NRXN3: variants seen among roughly 807,000 people sequenced by gnomAD.
NRXN3 encodes the protein neurexin 3.
Under a neutral mutation model 137.6 loss-of-function variants are expected in NRXN3, and 32 were observed. The ratio of observed to expected loss-of-function variants is 0.23; its 90% CI spans 0.18 to 0.31. NRXN3 has a LOEUF of 0.31. Among genes scored for constraint, NRXN3 ranks in the 10% least tolerant of loss-of-function variants. The pLI is 1.00. For synonymous variants in NRXN3, 798 were observed against 784.5 expected (o/e 1.02, Z -0.29); for missense variants, 1,574 against 2,062.5 (o/e 0.76, Z 4.59).
chr14:78,320,841 G>T (rs2079250351), intron 4 of NRXN3, among the ~76,000 whole-genome samples: 1 of 151,792 alleles, frequency 6.6e-6, no homozygotes, highest in East Asian at 2.0e-4. Context: ...GCCCTGGCTG[G>T]GTGCGGTGGC....
At chr14:78,726,263 C>T (rs1009554628) in intron 8 of NRXN3, among the ~76,000 whole-genome samples, 1 of 152,024 alleles carries the variant, frequency 6.6e-6, no homozygotes, top group Non-Finnish European at 1.5e-5. Context: ...CATAGGTATA[C>T]ATGTGCCATG....
chr14:78,332,210 C>T (rs967001367), intron 4 of NRXN3, among the ~76,000 whole-genome samples: 5 of 152,166 alleles, frequency 3.3e-5, no homozygotes, highest in East Asian at 1.9e-4. Context: ...GGCAAACCCT[C>T]GATAAATATC....
chr14:78,708,974 C>G (rs1256802476), intron 6 of NRXN3, among the ~76,000 whole-genome samples: 1 of 152,168 alleles, frequency 6.6e-6, no homozygotes, highest in African/African-American at 2.4e-5. Context: ...TCTGACAACA[C>G]AAGAAATTGG....
chr14:78,670,304 A>G (rs1204182652), intron 6 of NRXN3, among the ~76,000 whole-genome samples: 2 of 152,200 alleles, frequency 1.3e-5, no homozygotes, highest in Admixed American at 1.3e-4. Context: ...TATTGTGAAT[A>G]GTGCCGCAAT....
intron 16 of NRXN3, among the ~76,000 whole-genome samples, chr14:79,588,203 G>A (rs1303459232): frequency 1.3e-5 from 2 of 152,134 alleles, no homozygotes; most frequent in African/African-American, 2.4e-5. Flanking sequence ...ACTTTATGTG[G>A]GCACAATGTC....
intron 15 of NRXN3, among the ~76,000 whole-genome samples, chr14:79,297,995 C>G (rs1272645644): frequency 2.0e-5 from 3 of 151,994 alleles, no homozygotes; most frequent in Non-Finnish European, 2.9e-5. Flanking sequence ...TTTATAAATT[C>G]AATTACATTT....
At chr14:79,698,751 ATTAC>A (rs1350247785) in intron 19 of NRXN3, among the ~76,000 whole-genome samples, 1 of 152,024 alleles carries the variant, frequency 6.6e-6, no homozygotes, top group Non-Finnish European at 1.5e-5. Flanking sequence ...TGCGACAACA[ATTAC>A]TTACCCCTAT....
intron 17 of NRXN3, among the ~76,000 whole-genome samples, chr14:79,678,083 T>A (rs960414072): frequency 6.6e-6 from 1 of 152,148 alleles, no homozygotes; most frequent in Non-Finnish European, 1.5e-5. Context: ...ACTTTGTTCC[T>A]CCCTCTTCTG....
intron 19 of NRXN3, among the ~76,000 whole-genome samples, chr14:79,798,748 G>A (rs1442976739): frequency 6.6e-6 from 1 of 152,192 alleles, no homozygotes; most frequent in East Asian, 1.9e-4. Context: ...AGGCAGTTGG[G>A]CAGTAAGGAG....
chr14:79,808,774 G>C (rs1037940237), intron 20 of NRXN3, among the ~76,000 whole-genome samples: 1 of 152,058 alleles, frequency 6.6e-6, no homozygotes, highest in Non-Finnish European at 1.5e-5. Flanking sequence ...ATTTTCATAT[G>C]AGCATCAAAT....
In NRXN3 at chr14:79,697,909, G is replaced by T. The variant is rs144373051; in HGVS notation, c.3986G>T (p.Arg1329Leu). 4.3e-6 allele frequency: 7 copies of T among 1,612,202 alleles called. No homozygotes were observed. The highest frequency in any genetic ancestry group is 2.2e-5 in the South Asian group (2 of 91,040). ...ACTACAATGGCGACTACCACAACCC[G>T]TAAGAATCGCTCTACAGCCAGCATT... Reference protein sequence around the residue: ...TTTTMATTTTRKNRSTASIQP... With the variant: ...TTTTMATTTTLKNRSTASIQP... The change falls in exon 19 of 21, where the codon CGT (arginine) becomes CTT (leucine). Residue 1329 changes from arginine to leucine, a missense_variant. Coordinates refer to ENST00000335750, the MANE Select transcript of NRXN3 (RefSeq NM_001330195.2).
intron 10 of NRXN3, among the ~76,000 whole-genome samples, chr14:78,933,954 C>T (rs766479131): frequency 6.6e-6 from 1 of 152,056 alleles, no homozygotes; most frequent in African/African-American, 2.4e-5. Context: ...TTCTGGTACC[C>T]ACCCATCTTC....
chr14:79,252,916 A>G (rs1312848968), intron 15 of NRXN3, among the ~76,000 whole-genome samples: 2 of 152,202 alleles, frequency 1.3e-5, no homozygotes, highest in African/African-American at 4.8e-5. Flanking sequence ...CACATCCATT[A>G]GTCTAGGTGG....
chr14:79,128,487 T>G (rs2056927382), intron 15 of NRXN3, among the ~76,000 whole-genome samples: 1 of 151,228 alleles, frequency 6.6e-6, no homozygotes, highest in African/African-American at 2.4e-5. Flanking sequence ...ATTTATTGAT[T>G]TGTGTATATT....
At position 79,567,236 on chromosome 14, in the gene NRXN3, C is replaced by A. The variant is rs775226605; in HGVS notation, c.3445-96542C>A. On this transcript the variant is annotated intron_variant, in intron 16 of 20. Transcript: ENST00000335750. The stretch of plus-strand genomic sequence containing the variant: ...AATACAGTTTAGGCTAGCTTGTGTT[C>A]AAATTGACATGAATTTTTAAATTAG... 6.6e-5 allele frequency among the ~76,000 whole-genome samples: 10 copies of A among 151,334 alleles called. 1 individual carries two copies. The highest frequency in any genetic ancestry group is 1.3e-4 in the Non-Finnish European group (9 of 67,896).
intron 15 of NRXN3, among the ~76,000 whole-genome samples, chr14:79,020,431 A>AT (rs144058950): frequency 0.34 from 46,579 of 138,482 alleles, 8,015 homozygotes; most frequent in Admixed American, 0.47. Context: ...ACGCCTGGCT[A>AT]TTTTTTTTTT....
At chr14:78,753,800 G>C (rs1180599585) in intron 8 of NRXN3, 1 of 152,168 alleles carries the variant, frequency 6.6e-6, no homozygotes, top group Admixed American at 6.5e-5. Flanking sequence ...CTAGGAAGTG[G>C]CCTCATATAT....
Position 79,682,012 on chromosome 14 carries a change from T to C in NRXN3, c.3617-10161T>C, listed in dbSNP as rs78879152. The stretch of plus-strand genomic sequence containing the variant: ...CTGATCATTTTGCTTTAAGTCAAAT[T>C]GATTTTTTAAAAATTAAATGCCCAT... On this transcript the variant is annotated intron_variant, in intron 17 of 20. Coordinates refer to ENST00000335750, the MANE Select transcript of NRXN3 (RefSeq NM_001330195.2). Among the ~76,000 whole-genome samples the C allele has an allele frequency of 0.02, 3,041 of 152,292 alleles. 160 individuals carry two copies. The East Asian group carries it at 0.21, about 11-fold the overall frequency.
At chr14:78,205,759 G>A (rs759438749) in intron 1 of NRXN3, among the ~76,000 whole-genome samples, 2 of 152,220 alleles carry the variant, frequency 1.3e-5, no homozygotes, top group Non-Finnish European at 2.9e-5. Flanking sequence ...TGGACTCCAT[G>A]TTGAGAGCCA....
Sources: allele counts gnomAD v4.1 joint callset (sites outside exome capture counted in the v4.1 genomes callset), GRCh38; gene constraint gnomAD v4.1.1; transcripts MANE v1.5; gene names NCBI Gene and HGNC (gene_info 2026-07-23, HGNC 2026-07-21).